ADORA1: variants seen among roughly 807,000 people sequenced by gnomAD.
The protein encoded by ADORA1 is adenosine receptor A1.
ADORA1 carries 6 observed loss-of-function variants against 19.9 expected under a neutral mutation model. The observed-to-expected ratio is 0.30, with a 90% CI of 0.17 to 0.59. The LOEUF is 0.59. Ranked by LOEUF, ADORA1 falls within the 20% of genes least tolerant of loss-of-function variation. The pLI, the probability that ADORA1 is intolerant of heterozygous loss-of-function variation, is 0.87. For synonymous variants in ADORA1, 194 were observed against 188.4 expected (o/e 1.03, Z -0.24); for missense variants, 302 against 439.2 (o/e 0.69, Z 2.79).
chr1:203,158,849 C>T (rs528593529), intron 3 of ADORA1, among the ~76,000 whole-genome samples: 6 of 152,278 alleles, frequency 3.9e-5, no homozygotes, highest in African/African-American at 1.2e-4. Flanking sequence ...ACAAAGAGCA[C>T]ACTCCCTAGA....
At chr1:203,150,729 A>T (rs1394980875) in intron 3 of ADORA1, 2 of 1,289,702 alleles carry the variant, frequency 1.6e-6, no homozygotes, top group Admixed American at 2.3e-5. Flanking sequence ...AAGCTGTGGA[A>T]TGCGGAGCTG....
intron 3 of ADORA1, among the ~76,000 whole-genome samples, chr1:203,133,018 T>A (rs1654390499): frequency 6.6e-6 from 1 of 152,176 alleles, no homozygotes. Flanking sequence ...AGTGAGTGTA[T>A]GCTAGGAACA....
In ADORA1 at chr1:203,165,415, G is replaced by A. The variant is rs371455566; in HGVS notation, c.496G>A (p.Val166Met). The change falls in exon 4 of 4, where the codon GTG (valine) becomes ATG (methionine). Residue 166 changes from valine (V) to methionine (M), a missense_variant. Coordinates refer to ENST00000337894, the MANE Select transcript of ADORA1 (RefSeq NM_000674.3). The surrounding 1 kb of genome is among the most constrained non-coding windows in gnomAD (Gnocchi z 5.9). ...WAANGSMGEPVIKCEFEKVIS... is the reference protein window; with the variant it reads ...WAANGSMGEPMIKCEFEKVIS... ...AGCCAACGGCAGCATGGGGGAGCCC[G>A]TGATCAAGTGCGAGTTCGAGAAGGT... 72 of 1,612,292 alleles carry A rather than the reference G, an allele frequency of 4.5e-5. 1 individual carries two copies. In the African/African-American group the frequency reaches 5.9e-4, roughly 13 times the overall value.
intron 3 of ADORA1, among the ~76,000 whole-genome samples, chr1:203,157,339 C>G (rs1477341858): frequency 1.3e-5 from 2 of 152,158 alleles, no homozygotes; most frequent in Non-Finnish European, 2.9e-5. Flanking sequence ...TAACAGGATC[C>G]AAGTAAGTCC....
chr1:203,144,121 C>G (rs192760081), intron 3 of ADORA1, among the ~76,000 whole-genome samples: 34 of 147,526 alleles, frequency 2.3e-4, no homozygotes, highest in Non-Finnish European at 5.0e-4. Flanking sequence ...CACACACACA[C>G]AGCTGTTCCT....
intron 3 of ADORA1, among the ~76,000 whole-genome samples, chr1:203,137,482 C>T (rs1246710318): frequency 2.0e-5 from 3 of 152,140 alleles, no homozygotes; most frequent in Non-Finnish European, 4.4e-5. Flanking sequence ...TAAAGGATCA[C>T]TCTCGTTGCC....
At chr1:203,144,081 T>TACACACACACACACACACACACAC (rs10525873) in intron 3 of ADORA1, among the ~76,000 whole-genome samples, 1 of 139,772 alleles carries the variant, frequency 7.2e-6, no homozygotes, top group Non-Finnish European at 1.5e-5. Context: ...GACTACCTCT[T>TACACACACACACACACACACACAC]ACACACACAC....
intron 3 of ADORA1, among the ~76,000 whole-genome samples, chr1:203,130,015 AG>A (rs1654281711): frequency 6.6e-6 from 1 of 152,202 alleles, no homozygotes; most frequent in African/African-American, 2.4e-5. Flanking sequence ...TGGGCCACCA[AG>A]TGCCAGCGAG....
intron 3 of ADORA1, chr1:203,150,666 A>G: frequency 7.8e-7 from 1 of 1,289,810 alleles, no homozygotes; most frequent in Admixed American, 2.3e-5. Flanking sequence ...GTTCTGATGC[A>G]GCAGGAAGAA....
chr1:203,128,470 G>C lies in ADORA1; in HGVS notation c.-58+38G>C, dbSNP rs1425536807. 7.9e-7 allele frequency: 1 copy of C among 1,266,070 alleles called. No homozygotes were observed. Among genetic ancestry groups the C allele is most frequent in the Non-Finnish European group, 1.0e-6 (1 of 967,306 alleles). 78.4% of individuals were successfully genotyped at this position (1,266,070 alleles called of 1,614,324 possible). On this transcript the variant is annotated intron_variant, in intron 2 of 3. Coordinates refer to ENST00000337894, the MANE Select transcript of ADORA1 (RefSeq NM_000674.3). This position sits in a 1 kb window ranked among gnomAD's most constrained non-coding sequence, Gnocchi z 5.9. ...CATCCTGTTCTGTGCACAGGGGTGG[G>C]CAGAGCCAGTCATGGGAGACCCCTC...
intron 3 of ADORA1, among the ~76,000 whole-genome samples, chr1:203,137,145 G>T (rs1373884102): frequency 6.6e-6 from 1 of 152,268 alleles, no homozygotes; most frequent in African/African-American, 2.4e-5. Flanking sequence ...AGGGTGGTCC[G>T]TGAGGCTTTA....
intron 3 of ADORA1, among the ~76,000 whole-genome samples, chr1:203,149,486 A>AGAG (rs1011394276): frequency 6.6e-6 from 1 of 152,196 alleles, no homozygotes; most frequent in African/African-American, 2.4e-5. Flanking sequence ...ACCAGCTCCC[A>AGAG]GAGGAGGAGG....
At chr1:203,139,819 A>G (rs1243517240) in intron 3 of ADORA1, among the ~76,000 whole-genome samples, 1 of 152,142 alleles carries the variant, frequency 6.6e-6, no homozygotes, top group Admixed American at 6.5e-5. Context: ...CCGTGCTGGT[A>G]TTCTCTGGGG....
intron 3 of ADORA1, among the ~76,000 whole-genome samples, chr1:203,130,242 C>T (rs371109438): frequency 6.6e-6 from 1 of 152,240 alleles, no homozygotes; most frequent in Non-Finnish European, 1.5e-5. Flanking sequence ...CCATGTTTCT[C>T]CCTTTGTGTT....
At chr1:203,156,084 A>G (rs1655190102) in intron 3 of ADORA1, among the ~76,000 whole-genome samples, 1 of 152,226 alleles carries the variant, frequency 6.6e-6, no homozygotes. Context: ...TCATTCAACA[A>G]ATAGTTATTG....
intron 3 of ADORA1, among the ~76,000 whole-genome samples, chr1:203,132,062 G>T (rs910097706): frequency 6.6e-6 from 1 of 152,228 alleles, no homozygotes; most frequent in African/African-American, 2.4e-5. Context: ...AAAACCAAGA[G>T]AGAAAAGAGA....
intron 3 of ADORA1, among the ~76,000 whole-genome samples, chr1:203,156,029 T>A (rs992373544): frequency 2.0e-5 from 3 of 152,230 alleles, no homozygotes; most frequent in African/African-American, 7.2e-5. Flanking sequence ...TCTGAATAAG[T>A]GGATGTATGG....
At chr1:203,154,631 G>T (rs2102758819) in intron 3 of ADORA1, among the ~76,000 whole-genome samples, 1 of 152,294 alleles carries the variant, frequency 6.6e-6, no homozygotes, top group African/African-American at 2.4e-5. Flanking sequence ...CTAGTACACA[G>T]CTGGGACAGG....
intron 3 of ADORA1, among the ~76,000 whole-genome samples, chr1:203,134,203 C>T (rs1381956293): frequency 6.6e-6 from 1 of 152,156 alleles, no homozygotes; most frequent in Non-Finnish European, 1.5e-5. Flanking sequence ...TTCTTTCCTC[C>T]TCCCATCTGG....
Sources: gnomAD v4.1 joint callset for allele counts (sites outside exome capture counted in the v4.1 genomes callset) on GRCh38, gnomAD v4.1.1 for gene constraint, Gnocchi (gnomAD v3.1) non-coding constraint, MANE v1.5 for transcripts, NCBI Gene and HGNC (gene_info 2026-07-23, HGNC 2026-07-21) for gene names.